Variants in MAGI2 observed in about 807,000 individuals in gnomAD.
MAGI2 encodes membrane associated guanylate kinase, WW and PDZ domain containing 2.
In MAGI2, 35 loss-of-function variants were observed where a neutral mutation model predicts 133.3. That is an observed-to-expected ratio of 0.26 (90% CI 0.20 to 0.35). The LOEUF is 0.35. Ranked by LOEUF, MAGI2 falls within the 10% of genes least tolerant of loss-of-function variation. MAGI2 has a pLI of 1.00. For missense variants in MAGI2, 1,636 were observed against 1,863.4 expected, an observed-to-expected ratio of 0.88 and a Z score of 2.25; for synonymous variants, 729 against 710.6, an observed-to-expected ratio of 1.03 and a Z score of -0.41.
At chr7:78,882,758 A>C (rs1483297232) in intron 2 of MAGI2, among the ~76,000 whole-genome samples, 2 of 152,102 alleles carry the variant, frequency 1.3e-5, no homozygotes, top group Non-Finnish European at 1.5e-5. Context: ...AACAACACCC[A>C]TATGTTCACC....
intron 20 of MAGI2, among the ~76,000 whole-genome samples, chr7:78,105,519 A>G (rs1818594007): frequency 1.3e-5 from 2 of 152,228 alleles, no homozygotes; most frequent in Non-Finnish European, 2.9e-5. Context: ...ATCATTTGAT[A>G]TAAAATTGAT....
intron 1 of MAGI2, among the ~76,000 whole-genome samples, chr7:79,394,423 G>C (rs549503615): frequency 6.6e-6 from 1 of 152,234 alleles, no homozygotes; most frequent in South Asian, 2.1e-4. Context: ...TACTCCCATT[G>C]GTTGTCATAT....
chr7:79,306,916 C>A (rs955632402), intron 1 of MAGI2, among the ~76,000 whole-genome samples: 8 of 152,070 alleles, frequency 5.3e-5, no homozygotes, highest in African/African-American at 1.9e-4. Flanking sequence ...CTGGTTCAAG[C>A]AGTTCCCCTG....
At chr7:79,151,548 G>A (rs915662913) in intron 1 of MAGI2, among the ~76,000 whole-genome samples, 1 of 152,028 alleles carries the variant, frequency 6.6e-6, no homozygotes, top group African/African-American at 2.4e-5. Context: ...TTAAAATTAG[G>A]TCCTGATATC....
intron 10 of MAGI2, among the ~76,000 whole-genome samples, chr7:78,241,146 T>C (rs6944548): frequency 0.14 from 21,991 of 151,804 alleles, 1,992 homozygotes; most frequent in East Asian, 0.33. Context: ...AAGTAAATAC[T>C]TATTAAATGA....
intron 2 of MAGI2, among the ~76,000 whole-genome samples, chr7:78,643,170 A>G (rs1183358970): frequency 1.3e-5 from 2 of 152,240 alleles, no homozygotes; most frequent in Non-Finnish European, 2.9e-5. Context: ...TATATGGAGA[A>G]GCAGAGGGAA....
chr7:78,982,898 G>A (rs1804915652), intron 2 of MAGI2, among the ~76,000 whole-genome samples: 1 of 151,832 alleles, frequency 6.6e-6, no homozygotes, highest in Admixed American at 6.6e-5. Context: ...AAAAAAAATT[G>A]TTTTAATATG....
chr7:79,119,309 T>A (rs1819675671), intron 1 of MAGI2, among the ~76,000 whole-genome samples: 1 of 152,092 alleles, frequency 6.6e-6, no homozygotes, highest in African/African-American at 2.4e-5. Context: ...AGCAACAGCA[T>A]TTCAAAGCAA....
At chr7:78,231,721 C>A (rs1010153961) in intron 10 of MAGI2, among the ~76,000 whole-genome samples, 14 of 152,118 alleles carry the variant, frequency 9.2e-5, no homozygotes, top group African/African-American at 3.4e-4. Context: ...TCTCTTTTCC[C>A]TCACTTGATC....
intron 3 of MAGI2, among the ~76,000 whole-genome samples, chr7:78,578,805 G>A (rs1802535636): frequency 6.6e-6 from 1 of 152,178 alleles, no homozygotes; most frequent in African/African-American, 2.4e-5. Context: ...GTGGAGGCCA[G>A]GGCATTATCC....
At chr7:78,845,197 C>A (rs1792484100) in intron 2 of MAGI2, among the ~76,000 whole-genome samples, 1 of 151,888 alleles carries the variant, frequency 6.6e-6, no homozygotes, top group African/African-American at 2.4e-5. Context: ...AACACTGTCT[C>A]TGGGGCAATC....
At chr7:78,922,932 T>C (rs896699038) in intron 2 of MAGI2, among the ~76,000 whole-genome samples, 2 of 152,078 alleles carry the variant, frequency 1.3e-5, no homozygotes, top group Non-Finnish European at 2.9e-5. Flanking sequence ...TTTGCATTTC[T>C]CTGATGGCCA....
At chr7:79,449,268 G>C (rs1021786136) in intron 1 of MAGI2, among the ~76,000 whole-genome samples, 6 of 151,982 alleles carry the variant, frequency 3.9e-5, no homozygotes, top group African/African-American at 1.4e-4. Context: ...GAAAGGAGCA[G>C]TAGGAGGGAG....
intron 1 of MAGI2, among the ~76,000 whole-genome samples, chr7:79,154,100 A>G (rs545042096): frequency 1.3e-5 from 2 of 152,290 alleles, no homozygotes; most frequent in East Asian, 1.9e-4. Flanking sequence ...TAGACTTATA[A>G]AGGACCATTT....
intron 2 of MAGI2, among the ~76,000 whole-genome samples, chr7:78,659,256 C>T (rs887164085): frequency 6.6e-6 from 1 of 151,674 alleles, no homozygotes; most frequent in Admixed American, 6.6e-5. Flanking sequence ...TGAGACCATC[C>T]TGGTTAACAT....
At chr7:78,873,176 A>G (rs181480884) in intron 2 of MAGI2, among the ~76,000 whole-genome samples, 1 of 152,312 alleles carries the variant, frequency 6.6e-6, no homozygotes, top group African/African-American at 2.4e-5. Flanking sequence ...CTGCTAAATA[A>G]GTATTTTTTA....
chr7:78,755,813 C>G (rs983569091), intron 2 of MAGI2, among the ~76,000 whole-genome samples: 2 of 152,118 alleles, frequency 1.3e-5, no homozygotes, highest in African/African-American at 4.8e-5. Flanking sequence ...TATAGAACAC[C>G]CCAGCTCAAT....
At chr7:78,942,892 GA>G (rs5885102) in intron 2 of MAGI2, among the ~76,000 whole-genome samples, 63,856 of 137,358 alleles carry the variant, frequency 0.46, 14,361 homozygotes, top group African/African-American at 0.6. Context: ...CGTAGTAAGT[GA>G]AAAAAAAAAA....
At chr7:78,687,331 A>G (rs1024204229) in intron 2 of MAGI2, among the ~76,000 whole-genome samples, 15 of 152,234 alleles carry the variant, frequency 9.9e-5, no homozygotes, top group African/African-American at 2.9e-4. Flanking sequence ...TCCCCCTGTT[A>G]AGGAGCTAAA....
Sources: gnomAD v4.1 joint callset for allele counts (sites outside exome capture counted in the v4.1 genomes callset) on GRCh38, gnomAD v4.1.1 for gene constraint, MANE v1.5 for transcripts, NCBI Gene and HGNC (gene_info 2026-07-23, HGNC 2026-07-21) for gene names.